Variants in TRIM5 observed in about 807,000 individuals in gnomAD.
TRIM5 encodes tripartite motif containing 5.
TRIM5 carries 31 observed loss-of-function variants against 35.6 expected under a neutral mutation model. The ratio of observed to expected loss-of-function variants is 0.87; its 90% CI spans 0.65 to 1.18. The LOEUF (loss-of-function observed/expected upper bound fraction) is 1.18. Ranked by LOEUF, TRIM5 falls within the 50% of genes most tolerant of loss-of-function variation. TRIM5 has a pLI of 0.00. For missense variants in TRIM5, 609 were observed against 591.6 expected (o/e 1.03, Z -0.31); for synonymous variants, 243 against 215.6 (o/e 1.13, Z -1.11).
chr11:5,615,045 T>C, the TRIM5 span, among the ~76,000 whole-genome samples: 1 of 152,220 alleles, frequency 6.6e-6, no homozygotes, highest in Non-Finnish European at 1.5e-5. Context: ...TTGAATTATT[T>C]AAAATTATAT....
At chr11:5,598,655 G>A in the TRIM5 span, among the ~76,000 whole-genome samples, 1 of 152,078 alleles carries the variant, frequency 6.6e-6, no homozygotes. Flanking sequence ...TGTGTATTTT[G>A]TACCTAAAGC....
intron 5 of TRIM5, among the ~76,000 whole-genome samples, chr11:5,667,096 C>T (rs1212578668): frequency 6.6e-6 from 1 of 152,202 alleles, no homozygotes; most frequent in African/African-American, 2.4e-5. Context: ...GGGTCCAACA[C>T]TGCAACACCT....
chr11:5,657,684 ATATT>A, the TRIM5 span, among the ~76,000 whole-genome samples: 11 of 128,998 alleles, frequency 8.5e-5, no homozygotes, highest in East Asian at 2.0e-3. Flanking sequence ...TAATATATAT[ATATT>A]TATAATATAA....
In TRIM5 at chr11:5,663,478, C is replaced by T. The variant is rs1488169270; in HGVS notation, c.*1331G>A. The T allele has an allele frequency of 4.3e-5, 42 of 985,156 alleles. No homozygotes were observed. Among genetic ancestry groups the T allele is most frequent in the Non-Finnish European group, 4.7e-5 (39 of 829,858 alleles). 61.0% of individuals were successfully genotyped at this position (985,156 alleles called of 1,614,324 possible). A position where few individuals can be genotyped will look rare whatever the true frequency, so the allele number is the denominator to read the frequency against. On this transcript the variant is annotated 3_prime_UTR_variant, in exon 8 of 8. Transcript: ENST00000380034. ...ATCCTAGTTTCCCTGAAGGCACAAC[C>T]TGTTCCATGAGACATTAACAGAGTT...
At chr11:5,636,434 C>T in the TRIM5 span, among the ~76,000 whole-genome samples, 2 of 152,210 alleles carry the variant, frequency 1.3e-5, no homozygotes, top group Non-Finnish European at 2.9e-5. Context: ...TCTGGATTTA[C>T]TGTGCAATGA....
At chr11:5,651,361 T>C in the TRIM5 span, among the ~76,000 whole-genome samples, 2 of 152,218 alleles carry the variant, frequency 1.3e-5, no homozygotes, top group African/African-American at 4.8e-5. Flanking sequence ...ATAAGCATAG[T>C]ACCCAGTAGG....
the TRIM5 span, among the ~76,000 whole-genome samples, chr11:5,601,434 A>G: frequency 0.61 from 93,028 of 152,074 alleles, 31,657 homozygotes; most frequent in Non-Finnish European, 0.76. Context: ...CTAAATCACA[A>G]CTGGTTACAG....
At chr11:5,639,569 A>G in the TRIM5 span, among the ~76,000 whole-genome samples, 1 of 147,614 alleles carries the variant, frequency 6.8e-6, no homozygotes, top group African/African-American at 2.5e-5. Context: ...AGTCCCAGGT[A>G]CTTGGGAGGC....
chr11:5,645,392 C>CA, the TRIM5 span, among the ~76,000 whole-genome samples: 38,189 of 95,376 alleles, frequency 0.4, 6,528 homozygotes, highest in African/African-American at 0.42. Context: ...AACTCTGTCT[C>CA]AAAAAAAAAA....
chr11:5,632,209 T>C, the TRIM5 span: 2 of 1,528,012 alleles, frequency 1.3e-6, no homozygotes, highest in East Asian at 2.3e-5. Flanking sequence ...ATTAGAATGC[T>C]TTTTATTTGT....
At chr11:5,651,690 C>A in the TRIM5 span, among the ~76,000 whole-genome samples, 1 of 152,184 alleles carries the variant, frequency 6.6e-6, no homozygotes, top group African/African-American at 2.4e-5. Context: ...AATGGTAATT[C>A]TGCTTTGAGT....
intron 4 of TRIM5, among the ~76,000 whole-genome samples, chr11:5,676,369 G>C (rs1049024972): frequency 6.6e-6 from 1 of 151,840 alleles, no homozygotes; most frequent in African/African-American, 2.4e-5. Flanking sequence ...GCTTCAAAGA[G>C]AATAAAATAC....
At chr11:5,639,538 G>A in the TRIM5 span, among the ~76,000 whole-genome samples, 2 of 151,630 alleles carry the variant, frequency 1.3e-5, no homozygotes, top group Non-Finnish European at 2.9e-5. Context: ...AAATTAGCCG[G>A]GCATGGTGGC....
At chr11:5,596,777 A>T in the TRIM5 span, 1 of 1,512,442 alleles carries the variant, frequency 6.6e-7, no homozygotes, top group Non-Finnish European at 9.1e-7. Flanking sequence ...GAGTTTAGAT[A>T]AAAGCCGAGT....
At chr11:5,604,676 A>G in the TRIM5 span, 1 of 1,585,692 alleles carries the variant, frequency 6.3e-7, no homozygotes, top group Non-Finnish European at 8.6e-7. Context: ...GAATCATGGC[A>G]GGTCATAGGA....
At chr11:5,633,756 T>C in the TRIM5 span, 41 of 1,571,218 alleles carry the variant, frequency 2.6e-5, no homozygotes, top group Non-Finnish European at 3.3e-5. Flanking sequence ...TCTATCCAGA[T>C]ACTAAGAAAG....
the TRIM5 span, among the ~76,000 whole-genome samples, chr11:5,647,309 A>G: frequency 6.6e-6 from 1 of 152,092 alleles, no homozygotes; most frequent in Non-Finnish European, 1.5e-5. Flanking sequence ...ACCTTTTCAT[A>G]CTCTTCTAAA....
At chr11:5,676,640 A>G (rs7119273) in intron 4 of TRIM5, among the ~76,000 whole-genome samples, 79,305 of 148,360 alleles carry the variant, frequency 0.53, 24,158 homozygotes, top group Non-Finnish European at 0.69. Flanking sequence ...AGCCCGCATC[A>G]CCAAGGCAAT....
At chr11:5,666,321 C>T (rs1458312973) in intron 5 of TRIM5, 1 of 579,932 alleles carries the variant, frequency 1.7e-6, no homozygotes, top group East Asian at 3.1e-5. Flanking sequence ...ACAGTTTCTT[C>T]CTTCTAAAAT....
Sources: allele counts gnomAD v4.1 joint callset (sites outside exome capture counted in the v4.1 genomes callset), GRCh38; gene constraint gnomAD v4.1.1; transcripts MANE v1.5; gene names NCBI Gene and HGNC (gene_info 2026-07-23, HGNC 2026-07-21).